Variants in GVQW3 observed in about 807,000 individuals in gnomAD.
GVQW3 encodes the protein GVQW motif containing 3.
A neutral mutation model predicts 12.5 loss-of-function variants in GVQW3; 7 were observed. The ratio of observed to expected loss-of-function variants is 0.56; its 90% confidence interval spans 0.32 to 1.05. The LOEUF (loss-of-function observed/expected upper bound fraction) is 1.05, where lower values mean the gene tolerates loss of function less well. Among genes scored for constraint, GVQW3 ranks in the 50% least tolerant of loss-of-function variants. The pLI is 0.04. For synonymous variants in GVQW3, 71 were observed against 67.2 expected (o/e 1.06, Z -0.28); for missense variants, 188 against 190.8 (o/e 0.99, Z 0.09).
At chr11:76,386,429 T>C (rs1946835008) in intron 1 of GVQW3, among the ~76,000 whole-genome samples, 1 of 152,136 alleles carries the variant, frequency 6.6e-6, no homozygotes, top group Non-Finnish European at 1.5e-5. Context: ...CCAGAAACTT[T>C]TTTTCAGATG....
intron 1 of GVQW3, among the ~76,000 whole-genome samples, chr11:76,394,361 G>C (rs1946921111): frequency 1.3e-5 from 2 of 151,748 alleles, no homozygotes; most frequent in African/African-American, 4.8e-5. Context: ...CCAGCCTCTG[G>C]TAACCATCAT....
chr11:76,392,093 G>A (rs7937236), intron 1 of GVQW3: 77,754 of 152,342 alleles, frequency 0.51, 20,892 homozygotes, highest in South Asian at 0.63. Flanking sequence ...GGCCAGAGGT[G>A]GAGAGGAGCA....
intron 1 of GVQW3, among the ~76,000 whole-genome samples, chr11:76,402,975 T>C (rs1374830602): frequency 6.6e-6 from 1 of 151,976 alleles, no homozygotes; most frequent in Admixed American, 6.6e-5. Flanking sequence ...TGAGACAGAG[T>C]CTTACTCTGT....
chr11:76,400,700 AT>A (rs1237644406), intron 1 of GVQW3, among the ~76,000 whole-genome samples: 1 of 152,080 alleles, frequency 6.6e-6, no homozygotes, highest in Non-Finnish European at 1.5e-5. Context: ...GATTACAGGC[AT>A]AAGCCACTGC....
rs1450761110 is a variant in GVQW3, at chr11:76,382,212, T to A, written c.384T>A (p.Gly128=). 4 of 1,536,140 alleles carry A rather than the reference T, an allele frequency of 2.6e-6. No homozygotes were observed. The highest frequency in any genetic ancestry group is 2.4e-5 in the South Asian group (2 of 84,062). The change falls in exon 1 of 2, where the codon GGT becomes GGA. Residue 128 remains glycine (G), a synonymous_variant. Coordinates refer to ENST00000529331, the MANE Select transcript of GVQW3 (RefSeq NM_001347885.2). The stretch of plus-strand genomic sequence containing the variant: ...AAGTTATTTCGGGTGTTTTGAAGGG[T>A]GAGCCTAAACCACGAAAACTTGACT... ...SAKVISGVLK[G]EPKPRKLDFR... is the part of the protein sequence containing the mutation.
At chr11:76,386,392 G>A (rs1454961676) in intron 1 of GVQW3, among the ~76,000 whole-genome samples, 1 of 152,194 alleles carries the variant, frequency 6.6e-6, no homozygotes. Flanking sequence ...GTTATTTGGG[G>A]AAGAATGTTT....
chr11:76,390,164 A>G (rs1173530122), intron 1 of GVQW3: 1 of 152,188 alleles, frequency 6.6e-6, no homozygotes, highest in Non-Finnish European at 1.5e-5. Context: ...AAACCTCCAA[A>G]TGAGTACACA....
intron 1 of GVQW3, among the ~76,000 whole-genome samples, chr11:76,395,851 C>T (rs1291829568): frequency 2.0e-5 from 3 of 152,114 alleles, no homozygotes; most frequent in African/African-American, 7.2e-5. Flanking sequence ...TAGCTTTTGG[C>T]TATTACTTTT....
Position 76,385,833 on chromosome 11 carries a change from C to A in GVQW3, c.465+3540C>A, listed in dbSNP as rs142865749. Among the ~76,000 whole-genome samples, 691 of 152,224 alleles carry A rather than the reference C, an allele frequency of 4.5e-3. 5 individuals carry two copies. Among genetic ancestry groups the A allele is most frequent in the African/African-American group, 0.016 (652 of 41,534 alleles). ...CCTTAGCCACCCTCAGTTGCACTCC[C>A]CAGAGGCACCCAGTGTCACCAGTTT... On this transcript the variant is annotated intron_variant, in intron 1 of 1. Coordinates refer to ENST00000529331, the MANE Select transcript of GVQW3 (RefSeq NM_001347885.2).
At chr11:76,385,053 G>A (rs184160470) in intron 1 of GVQW3, among the ~76,000 whole-genome samples, 1 of 151,162 alleles carries the variant, frequency 6.6e-6, no homozygotes, top group Non-Finnish European at 1.5e-5. Flanking sequence ...CCTATGAACA[G>A]GGCTGGTATG....
downstream of GVQW3, chr11:76,412,708 A>G (rs1006703575): frequency 8.5e-5 from 13 of 152,450 alleles, no homozygotes; most frequent in African/African-American, 3.1e-4. Context: ...ATGAACAGGG[A>G]TCAACAATAC....
chr11:76,402,810 C>A (rs1477135094), intron 1 of GVQW3, among the ~76,000 whole-genome samples: 1 of 152,026 alleles, frequency 6.6e-6, no homozygotes, highest in Non-Finnish European at 1.5e-5. Context: ...GATCCTCCAG[C>A]CTCAGAACCT....
intron 1 of GVQW3, among the ~76,000 whole-genome samples, chr11:76,402,726 AT>A (rs1016447011): frequency 4.1e-4 from 61 of 149,600 alleles, no homozygotes; most frequent in Admixed American, 1.1e-3. Flanking sequence ...ATATAATTTA[AT>A]TTTTTTTTTG....
Position 76,405,408 on chromosome 11 carries a change from T to G in GVQW3, c.*1650T>G, listed in dbSNP as rs1947030100. The G allele has an allele frequency of 1.3e-5, 2 of 152,216 alleles. No homozygotes were observed. The highest frequency in any genetic ancestry group is 4.8e-5 in the African/African-American group (2 of 41,440). The allele number at this position is 152,216 out of a possible 1,614,324, so 9.4% of individuals were successfully genotyped here. On this transcript the variant is annotated 3_prime_UTR_variant, in exon 2 of 2. Transcript: ENST00000529331. ...AGCTATTTGGCGTGCCTGTGTGTGTTTGTGTGTCTGCGTGTGGTTATATGT... is the reference window on the plus strand; with the variant it reads ...AGCTATTTGGCGTGCCTGTGTGTGTGTGTGTGTCTGCGTGTGGTTATATGT...
chr11:76,381,939 C>G lies in GVQW3; in HGVS notation c.111C>G (p.Val37=). Residue 37 remains valine (V), a synonymous_variant, in exon 1 of 2, where the codon GTC becomes GTG. Coordinates refer to ENST00000529331, the MANE Select transcript of GVQW3 (RefSeq NM_001347885.2). ...HLLKEAYGDE[V]MSRARVFDWH... is the part of the protein sequence containing the mutation. ...TAAAAGAAGCTTATGGGGATGAAGT[C>G]ATGTCAAGGGCCAGAGTTTTTGACT... The G allele has an allele frequency of 6.5e-7, 1 of 1,536,398 alleles. No homozygotes were observed. The highest frequency in any genetic ancestry group is 8.7e-7 in the Non-Finnish European group (1 of 1,146,984).
At chr11:76,388,759 A>G (rs1946862228) in intron 1 of GVQW3, among the ~76,000 whole-genome samples, 1 of 152,140 alleles carries the variant, frequency 6.6e-6, no homozygotes, top group Admixed American at 6.6e-5. Flanking sequence ...ACCTGGAAAT[A>G]GGTATGACTG....
intron 1 of GVQW3, among the ~76,000 whole-genome samples, chr11:76,401,338 C>T (rs1168456392): frequency 6.6e-6 from 1 of 151,656 alleles, no homozygotes; most frequent in East Asian, 1.9e-4. Context: ...AGAGTATTTT[C>T]CTCAGGATAT....
In GVQW3 at chr11:76,381,791, G is replaced by A; in HGVS notation, c.-38G>A. The A allele has an allele frequency of 1.4e-6, 2 of 1,480,926 alleles. No homozygotes were observed. Among genetic ancestry groups the A allele is most frequent in the Non-Finnish European group, 1.8e-6 (2 of 1,120,434 alleles). 91.7% of individuals were successfully genotyped at this position (1,480,926 alleles called of 1,614,324 possible). A position where few individuals can be genotyped will look rare whatever the true frequency, so the allele number is the denominator to read the frequency against. On this transcript the variant is annotated 5_prime_UTR_variant, in exon 1 of 2. In the 5' UTR this introduces an upstream ATG that the reference lacks. Coordinates refer to ENST00000529331, the MANE Select transcript of GVQW3 (RefSeq NM_001347885.2). ...ATCTGTCCGTCTTTCCCTTACAGTC[G>A]TGGCCTGTTAAACGTTCCTGTGTTG...
At chr11:76,410,629 C>T (rs111280209), downstream of GVQW3, among the ~76,000 whole-genome samples, 2 of 152,108 alleles carry the variant, frequency 1.3e-5, no homozygotes. Context: ...TGGAGAGAGG[C>T]GTTTCTGAGG....
Sources: allele counts gnomAD v4.1 joint callset (sites outside exome capture counted in the v4.1 genomes callset), GRCh38; gene constraint gnomAD v4.1.1; transcripts MANE v1.5; gene names NCBI Gene and HGNC (gene_info 2026-07-23, HGNC 2026-07-21).